The following JAML variants were observed in gnomAD, a reference collection of about 807,000 sequenced individuals.
The protein encoded by JAML is junctional adhesion molecule-like.
In JAML, 25 loss-of-function variants were observed where a neutral mutation model predicts 39.3. The observed-to-expected ratio is 0.64, with a 90% CI of 0.46 to 0.89. The LOEUF (loss-of-function observed/expected upper bound fraction) is 0.89. Ranked by LOEUF, JAML falls within the 40% of genes least tolerant of loss-of-function variation. JAML has a pLI of 0.00. For missense variants in JAML, 440 were observed against 486.9 expected, an observed-to-expected ratio of 0.90 and a Z score of 0.91; for synonymous variants, 162 against 179.2, an observed-to-expected ratio of 0.90 and a Z score of 0.77.
chr11:118,209,090 G>T, intron 4 of JAML: 1 of 274,672 alleles, frequency 3.6e-6, no homozygotes, highest in Non-Finnish European at 7.3e-6. Context: ...TTCCTTTAGA[G>T]CCCAATACAA....
intron 1 of JAML, among the ~76,000 whole-genome samples, chr11:118,217,635 A>G (rs1949160933): frequency 6.6e-6 from 1 of 152,224 alleles, no homozygotes. Context: ...GCAGCACACT[A>G]GAAATCAGTA....
intron 1 of JAML, among the ~76,000 whole-genome samples, chr11:118,223,078 G>A (rs945573561): frequency 3.4e-5 from 4 of 119,298 alleles, no homozygotes; most frequent in Admixed American, 1.9e-4. Context: ...CTAGGTGACA[G>A]AGTGAGACTC....
chr11:118,210,455 C>T (rs1488751053), intron 4 of JAML, 32 bp downstream of exon 4: 2 of 1,608,586 alleles, frequency 1.2e-6, no homozygotes, highest in East Asian at 2.2e-5. Flanking sequence ...GCTCTTGCCC[C>T]TTGGCCCCTC....
At chr11:118,202,129 G>A (rs1948813422) in intron 6 of JAML, 1 of 152,234 alleles carries the variant, frequency 6.6e-6, no homozygotes, top group African/African-American at 2.4e-5. Flanking sequence ...AGGAGTTAAT[G>A]GGAGATGAGA....
intron 5 of JAML, 39 bp downstream of exon 5, chr11:118,205,843 A>C: frequency 5.7e-6 from 9 of 1,566,276 alleles, no homozygotes; most frequent in African/African-American, 1.4e-5. Flanking sequence ...ACCATCAGCC[A>C]GAGCCTTCTC....
chr11:118,203,021 G>A (rs1319266242), intron 6 of JAML: 3 of 460,082 alleles, frequency 6.5e-6, no homozygotes, highest in South Asian at 1.5e-5. Flanking sequence ...TCTCTCACTA[G>A]CTTAGGATCA....
chr11:118,210,826 A>G (rs761633209), intron 3 of JAML, 114 bp from the exon 4 acceptor site: 9 of 849,074 alleles, frequency 1.1e-5, no homozygotes, highest in Non-Finnish European at 1.5e-5. Flanking sequence ...ATCATGATCC[A>G]AAAGCATTTG....
intron 2 of JAML, 147 bp from the exon 3 acceptor site, chr11:118,212,708 T>A: frequency 6.6e-7 from 1 of 1,504,066 alleles, no homozygotes; most frequent in Non-Finnish European, 8.9e-7. Context: ...AAAGGCAGCA[T>A]GGCATCCCTG....
intron 4 of JAML, among the ~76,000 whole-genome samples, chr11:118,208,711 T>C (rs1948976121): frequency 6.6e-6 from 1 of 152,260 alleles, no homozygotes. Context: ...ATGCATCTAG[T>C]TCTGTGGCTT....
chr11:118,223,142 A>C (rs2134682126), intron 1 of JAML, among the ~76,000 whole-genome samples: 1 of 150,322 alleles, frequency 6.7e-6, no homozygotes, highest in East Asian at 2.0e-4. Context: ...CTGATGGTTT[A>C]AGCAAGTTGA....
intron 3 of JAML, among the ~76,000 whole-genome samples, chr11:118,211,888 C>T (rs1230112198): frequency 6.6e-6 from 1 of 152,112 alleles, no homozygotes; most frequent in African/African-American, 2.4e-5. Context: ...AATGATGATT[C>T]CCCAGCACAT....
chr11:118,197,853 T>C (rs942822621), intron 8 of JAML, 145 bp downstream of exon 8: 30 of 722,824 alleles, frequency 4.2e-5, no homozygotes, highest in Non-Finnish European at 6.6e-5. Flanking sequence ...CTTACTTTAG[T>C]GACAAAGGCT....
intron 4 of JAML, 84 bp downstream of exon 4, chr11:118,210,403 T>C: frequency 7.4e-7 from 1 of 1,352,488 alleles, no homozygotes; most frequent in Non-Finnish European, 1.0e-6. Context: ...AAGGCTGGCA[T>C]TTACTCAAGA....
intron 2 of JAML, 43 bp downstream of exon 2, chr11:118,214,781 G>C: frequency 6.2e-7 from 1 of 1,600,156 alleles, no homozygotes; most frequent in Non-Finnish European, 8.6e-7. Flanking sequence ...ACAGAACTCA[G>C]GAGAAATCAA....
At chr11:118,214,770 CACAGA>C in intron 2 of JAML, 49 bp downstream of exon 2, 19 of 1,570,172 alleles carry the variant, frequency 1.2e-5, no homozygotes, top group Non-Finnish European at 1.7e-5. Flanking sequence ...TTTAATAATG[CACAGA>C]ACTCAGGAGA....
intron 6 of JAML, 49 bp downstream of exon 6, chr11:118,203,379 T>G: frequency 6.6e-7 from 1 of 1,518,540 alleles, no homozygotes; most frequent in Non-Finnish European, 9.1e-7. Context: ...CCTGGCGCCA[T>G]GCACCAGCCA....
At chr11:118,223,138 G>A (rs1949227144) in intron 1 of JAML, among the ~76,000 whole-genome samples, 1 of 150,722 alleles carries the variant, frequency 6.6e-6, no homozygotes, top group African/African-American at 2.4e-5. Context: ...AAAACTGATG[G>A]TTTAAGCAAG....
chr11:118,212,266 G>A lies in JAML; in HGVS notation c.198+141C>T, dbSNP rs17121888. The A allele has an allele frequency of 0.01, 10,181 of 1,001,496 alleles. 656 individuals are homozygous for A. In the African/African-American group the frequency reaches 0.14, roughly 14 times the overall value. 62.0% of individuals were successfully genotyped at this position (1,001,496 alleles called of 1,614,324 possible). A position where few individuals can be genotyped will look rare whatever the true frequency, so the allele number is the denominator to read the frequency against. On this transcript the variant is annotated intron_variant, in intron 3 of 9. Transcript: ENST00000356289. ...CATAACCAAATTCCTGAGCTAGGAC[G>A]AGGCCCAGTTCTGATAATCTCCAAA...
At chr11:118,217,161 G>A (rs752310490) in intron 1 of JAML, among the ~76,000 whole-genome samples, 2 of 152,232 alleles carry the variant, frequency 1.3e-5, no homozygotes, top group Non-Finnish European at 2.9e-5. Context: ...GCCTTATTTA[G>A]ATGTGTGTCC....
Sources: gnomAD v4.1 joint callset for allele counts (sites outside exome capture counted in the v4.1 genomes callset) on GRCh38, gnomAD v4.1.1 for gene constraint, MANE v1.5 for transcripts, NCBI Gene and HGNC (gene_info 2026-07-23, HGNC 2026-07-21) for gene names.